The following LRP1B variants were observed in gnomAD, a reference collection of about 807,000 sequenced individuals.
LRP1B encodes the protein LDL receptor related protein 1B.
LRP1B carries 217 observed loss-of-function variants against 556.6 expected under a neutral mutation model. The ratio of observed to expected loss-of-function variants is 0.39; its 90% CI spans 0.35 to 0.44. The LOEUF is 0.44. LRP1B is among the 20% of genes least tolerant of loss of function. The pLI, the probability that LRP1B is intolerant of heterozygous loss-of-function variation, is 1.00. For synonymous variants in LRP1B, 2,047 were observed against 1,865.8 expected (o/e 1.10, Z -2.50); for missense variants, 5,053 against 5,620.8 (o/e 0.90, Z 3.23).
intron 2 of LRP1B, among the ~76,000 whole-genome samples, chr2:141,685,202 A>G (rs1340437435): frequency 6.6e-6 from 1 of 152,042 alleles, no homozygotes; most frequent in Non-Finnish European, 1.5e-5. Context: ...TTGAGTGCAG[A>G]CAAATTGTTT....
chr2:140,857,370 T>C (rs1428003767), intron 27 of LRP1B, among the ~76,000 whole-genome samples: 1 of 152,140 alleles, frequency 6.6e-6, no homozygotes, highest in Non-Finnish European at 1.5e-5. Context: ...TAAAATAATG[T>C]TTATTAGTAA....
rs528958930 is a variant in LRP1B at position 141,751,914 on chromosome 2, A to G, written c.205+58365T>C. ...TGTGTGTGCTTTTAAATTGTTTCAA[A>G]TTAACTTTTATATTTAGAACATGGT... On this transcript the variant is annotated intron_variant, in intron 2 of 90. Coordinates refer to ENST00000389484, the MANE Select transcript of LRP1B (RefSeq NM_018557.3). Among the ~76,000 whole-genome samples the G allele has an allele frequency of 1.5e-3, 222 of 150,640 alleles. 1 individual carries two copies. Among genetic ancestry groups the G allele is most frequent in the Non-Finnish European group, 2.6e-3 (178 of 67,748 alleles).
At chr2:140,939,029 C>A (rs1204541351) in intron 20 of LRP1B, among the ~76,000 whole-genome samples, 1 of 151,820 alleles carries the variant, frequency 6.6e-6, no homozygotes, top group Admixed American at 6.6e-5. Context: ...AGAAAATGTA[C>A]AAACTCGATT....
intron 2 of LRP1B, among the ~76,000 whole-genome samples, chr2:141,675,678 G>T: frequency 5.6e-5 from 1 of 17,918 alleles, no homozygotes; most frequent in South Asian, 4.2e-3. Context: ...AAATTTATTT[G>T]GTATATATAT....
At chr2:141,728,639 A>G (rs1274045095) in intron 2 of LRP1B, among the ~76,000 whole-genome samples, 1 of 152,116 alleles carries the variant, frequency 6.6e-6, no homozygotes, top group Admixed American at 6.6e-5. Flanking sequence ...GGCTATTCGG[A>G]AGCTCATTTG....
At chr2:141,843,833 G>A (rs1697555823) in intron 1 of LRP1B, among the ~76,000 whole-genome samples, 1 of 152,090 alleles carries the variant, frequency 6.6e-6, no homozygotes, top group African/African-American at 2.4e-5. Context: ...CCTCCTTGCT[G>A]AGGCAGTCAG....
intron 11 of LRP1B, among the ~76,000 whole-genome samples, chr2:141,047,047 A>ACTCCAG (rs1553451699): frequency 1.4e-5 from 2 of 140,960 alleles, no homozygotes; most frequent in African/African-American, 2.6e-5. Context: ...GCAGCACTGC[A>ACTCCAG]CAAAAATTAA....
chr2:140,349,039 G>A (rs146390308), intron 77 of LRP1B, among the ~76,000 whole-genome samples: 197 of 152,084 alleles, frequency 1.3e-3, no homozygotes, highest in Admixed American at 2.6e-3. Context: ...TAGGGTTTGC[G>A]CTCCTATGAA....
intron 2 of LRP1B, among the ~76,000 whole-genome samples, chr2:141,744,085 T>C (rs1349937494): frequency 6.6e-6 from 1 of 152,038 alleles, no homozygotes; most frequent in African/African-American, 2.4e-5. Flanking sequence ...TGCCTCATTA[T>C]TTATTTGGAG....
intron 7 of LRP1B, among the ~76,000 whole-genome samples, chr2:141,112,226 C>T (rs1227384036): frequency 6.6e-6 from 1 of 152,066 alleles, no homozygotes; most frequent in Non-Finnish European, 1.5e-5. Flanking sequence ...CTTTTGTGGT[C>T]ATTCATGAAC....
intron 1 of LRP1B, among the ~76,000 whole-genome samples, chr2:142,046,230 A>G (rs1371008530): frequency 6.6e-6 from 1 of 151,892 alleles, no homozygotes; most frequent in Non-Finnish European, 1.5e-5. Flanking sequence ...TCTATAAGAC[A>G]GTCAAATTAA....
intron 1 of LRP1B, among the ~76,000 whole-genome samples, chr2:141,936,321 G>A (rs1353905927): frequency 6.6e-6 from 1 of 152,130 alleles, no homozygotes; most frequent in African/African-American, 2.4e-5. Flanking sequence ...TGTCTATGTA[G>A]AAAATCTGAA....
chr2:142,082,778 A>T (rs900745610), intron 1 of LRP1B, among the ~76,000 whole-genome samples: 1 of 152,216 alleles, frequency 6.6e-6, no homozygotes, highest in African/African-American at 2.4e-5. Context: ...TAAAATATGC[A>T]ATAATGGGAA....
chr2:140,869,951 G>A lies in LRP1B; in HGVS notation c.4170-1688C>T, dbSNP rs1334291842. Among the ~76,000 whole-genome samples, 12 of 152,176 alleles carry A rather than the reference G, an allele frequency of 7.9e-5. No individual in the cohort carries two copies. The East Asian group carries it at 2.3e-3, about 29-fold the overall frequency. On this transcript the variant is annotated intron_variant, in intron 25 of 90. Transcript: ENST00000389484. The stretch of plus-strand genomic sequence containing the variant: ...GAATTAAAGGAAATTGCAAGTTCAT[G>A]GAAGCTGCCTTTCAAGAACATTCTA...
chr2:140,711,941 T>C (rs1687044672), intron 37 of LRP1B, among the ~76,000 whole-genome samples: 1 of 152,154 alleles, frequency 6.6e-6, no homozygotes, highest in Non-Finnish European at 1.5e-5. Context: ...AGTTTAGAAA[T>C]ACCTCAAAGG....
At position 141,005,381 on chromosome 2, in the gene LRP1B, A is replaced by G. The variant is rs773264243; in HGVS notation, c.2457T>C (p.Ala819=). The part of the protein sequence containing the change: ...CLAIPGGRVC[A]CADNQLLDEN... ...CATCCAAAAGTTGATTATCGGCACA[A>G]GCACACACCCGGCCTCCTGGGATAG... Residue 819 remains alanine (A), a synonymous_variant, in exon 15 of 91, where the codon GCT becomes GCC. Coordinates refer to ENST00000389484, the MANE Select transcript of LRP1B (RefSeq NM_018557.3). The G allele has an allele frequency of 1.2e-5, 20 of 1,611,006 alleles. 1 individual carries two copies. In the South Asian group the frequency reaches 2.1e-4, roughly 17 times the overall value.
chr2:141,530,621 C>A (rs191454568), intron 2 of LRP1B, among the ~76,000 whole-genome samples: 1 of 151,590 alleles, frequency 6.6e-6, no homozygotes, highest in Non-Finnish European at 1.5e-5. Context: ...AAAGTGCAAT[C>A]GAAAAATAAA....
chr2:140,675,309 C>G (rs1685633217), intron 41 of LRP1B, among the ~76,000 whole-genome samples: 1 of 152,164 alleles, frequency 6.6e-6, no homozygotes, highest in Non-Finnish European at 1.5e-5. Context: ...GACCAGCACA[C>G]TTAGACAGAG....
At chr2:141,352,937 ATGT>A (rs1293119488) in intron 3 of LRP1B, among the ~76,000 whole-genome samples, 1 of 151,992 alleles carries the variant, frequency 6.6e-6, no homozygotes, top group Non-Finnish European at 1.5e-5. Flanking sequence ...AAATTATATG[ATGT>A]TTTTCATAGT....
Sources: gnomAD v4.1 joint callset for allele counts (sites outside exome capture counted in the v4.1 genomes callset) on GRCh38, gnomAD v4.1.1 for gene constraint, MANE v1.5 for transcripts, NCBI Gene and HGNC (gene_info 2026-07-23, HGNC 2026-07-21) for gene names.